Variants in CEP192 observed in about 807,000 individuals in gnomAD.
CEP192 encodes centrosomal protein of 192 kDa.
In CEP192, 151 loss-of-function variants were observed where a neutral mutation model predicts 271.8. That is an observed-to-expected ratio of 0.56 (90% CI 0.49 to 0.64). The LOEUF (loss-of-function observed/expected upper bound fraction) is 0.64, where lower values mean the gene tolerates loss of function less well. Among genes scored for constraint, CEP192 ranks in the 30% least tolerant of loss-of-function variants. CEP192 has a pLI of 0.00. For missense variants in CEP192, 2,910 were observed against 3,020.5 expected, an observed-to-expected ratio of 0.96 and a Z score of 0.86; for synonymous variants, 995 against 1,076.5, an observed-to-expected ratio of 0.92 and a Z score of 1.48.
intron 7 of CEP192, 39 bp from the exon 8 acceptor site, chr18:13,018,441 A>G: frequency 1.5e-6 from 2 of 1,314,470 alleles, no homozygotes; most frequent in East Asian, 2.7e-5. Flanking sequence ...TTTCATTTTA[A>G]TTTAAAAGAT....
chr18:13,031,820 G>A (rs568709746), intron 11 of CEP192, among the ~76,000 whole-genome samples: 196 of 152,252 alleles, frequency 1.3e-3, no homozygotes, highest in Admixed American at 3.0e-3. Flanking sequence ...TTTCACATAG[G>A]AAGCCACTTT....
intron 21 of CEP192, among the ~76,000 whole-genome samples, chr18:13,066,805 T>G (rs894120283): frequency 2.0e-5 from 3 of 152,204 alleles, no homozygotes; most frequent in Non-Finnish European, 2.9e-5. Flanking sequence ...AGTCACATCT[T>G]CTGTTCTCTG....
intron 40 of CEP192, among the ~76,000 whole-genome samples, chr18:13,111,074 C>T (rs751041743): frequency 6.6e-6 from 1 of 152,202 alleles, no homozygotes; most frequent in Admixed American, 6.5e-5. Context: ...CAATACTGAG[C>T]AGCCATCTAG....
chr18:13,032,051 C>A (rs752557843), intron 11 of CEP192, among the ~76,000 whole-genome samples: 1 of 152,116 alleles, frequency 6.6e-6, no homozygotes, highest in African/African-American at 2.4e-5. Flanking sequence ...TGAGTTTTGA[C>A]CACCATGCCC....
At chr18:13,019,957 C>T (rs759797207) in intron 9 of CEP192, among the ~76,000 whole-genome samples, 12 of 151,882 alleles carry the variant, frequency 7.9e-5, no homozygotes, top group African/African-American at 1.9e-4. Flanking sequence ...GGATTACAGG[C>T]GCACATCACC....
At chr18:13,103,248 C>T (rs548587897) in intron 38 of CEP192, among the ~76,000 whole-genome samples, 10 of 152,308 alleles carry the variant, frequency 6.6e-5, no homozygotes, top group South Asian at 2.1e-4. Flanking sequence ...CAGTCTGTAA[C>T]GCTTTAAAAA....
At chr18:13,008,899 G>C (rs1039346991) in intron 4 of CEP192, among the ~76,000 whole-genome samples, 43 of 151,940 alleles carry the variant, frequency 2.8e-4, no homozygotes, top group African/African-American at 9.6e-4. Flanking sequence ...ATAGAGACAG[G>C]GTTTCGCCAT....
chr18:13,042,086 T>A, intron 14 of CEP192, 118 bp from the exon 15 acceptor site: 1 of 727,886 alleles, frequency 1.4e-6, no homozygotes, highest in Non-Finnish European at 2.2e-6. Context: ...GCAACTGACA[T>A]TTGGGGTACA....
At chr18:13,102,321 C>T (rs747301340) in intron 38 of CEP192, among the ~76,000 whole-genome samples, 1 of 152,102 alleles carries the variant, frequency 6.6e-6, no homozygotes, top group Non-Finnish European at 1.5e-5. Context: ...TGTCCATTCT[C>T]GCCTCTCGGG....
At chr18:13,076,977 T>A (rs1455319225) in intron 30 of CEP192, among the ~76,000 whole-genome samples, 1 of 151,970 alleles carries the variant, frequency 6.6e-6, no homozygotes, top group Non-Finnish European at 1.5e-5. Flanking sequence ...AGAGATGGGG[T>A]TGTGCCAGTT....
intron 13 of CEP192, among the ~76,000 whole-genome samples, chr18:13,039,842 C>T (rs551208892): frequency 3.0e-4 from 46 of 152,232 alleles, no homozygotes; most frequent in Admixed American, 1.4e-3. Context: ...AAGAAGCAGG[C>T]AAACACTTAG....
At chr18:13,053,157 A>G in intron 18 of CEP192, 67 bp downstream of exon 18, 1 of 1,313,532 alleles carries the variant, frequency 7.6e-7, no homozygotes, top group Non-Finnish European at 1.0e-6. Flanking sequence ...CAGATGTTTG[A>G]TTCAGACTAC....
chr18:13,029,839 T>C lies in CEP192; in HGVS notation c.1227T>C (p.Cys409=). ...AGACAGTTTTGCACATGGATGGATG[T>C]TTAGACACTGAGACTCCTACGGTGT... is the stretch of plus-strand genomic sequence containing the variant. ...QNKTVLHMDG[C]LDTETPTVSI... The change falls in exon 10 of 45, where the codon TGT becomes TGC. Residue 409 remains cysteine (C), a synonymous_variant. Coordinates refer to ENST00000506447, the MANE Select transcript of CEP192 (RefSeq NM_032142.4). The C allele has an allele frequency of 6.4e-7, 1 of 1,551,700 alleles. No individual in the cohort carries two copies. Among genetic ancestry groups the C allele is most frequent in the Non-Finnish European group, 8.7e-7 (1 of 1,146,990 alleles).
In CEP192 at chr18:13,037,229, T is replaced by C; in HGVS notation, c.1535-8T>C. ...TGTAATGTATTTATATAAACATTCT[T>C]TTTTAAGCTGAAGCATTTGATTTGA... is the stretch of plus-strand genomic sequence containing the variant. On this transcript the variant is annotated splice_region_variant and splice_polypyrimidine_tract_variant and intron_variant, in intron 11 of 44. Coordinates refer to ENST00000506447, the MANE Select transcript of CEP192 (RefSeq NM_032142.4). 1 of 1,209,050 alleles carries C rather than the reference T, an allele frequency of 8.3e-7. No individual in the cohort carries two copies. Among genetic ancestry groups the C allele is most frequent in the Non-Finnish European group, 1.2e-6 (1 of 838,810 alleles). 74.9% of individuals were successfully genotyped at this position (1,209,050 alleles called of 1,614,324 possible). A position where few individuals can be genotyped will look rare whatever the true frequency, so the allele number is the denominator to read the frequency against.
intron 9 of CEP192, among the ~76,000 whole-genome samples, chr18:13,027,844 T>G (rs2035391824): frequency 2.0e-5 from 3 of 152,194 alleles, no homozygotes; most frequent in African/African-American, 7.2e-5. Context: ...TTGACTTTTT[T>G]TTTTCTATTG....
intron 11 of CEP192, among the ~76,000 whole-genome samples, chr18:13,033,722 A>G (rs1475779804): frequency 6.6e-6 from 1 of 152,234 alleles, no homozygotes; most frequent in Non-Finnish European, 1.5e-5. Flanking sequence ...CTGTGGCTAT[A>G]CAGAATGGTA....
chr18:13,068,174 G>T lies in CEP192; in HGVS notation c.4695G>T (p.Val1565=), dbSNP rs1166892576. 10 of 1,614,120 alleles carry T rather than the reference G, an allele frequency of 6.2e-6. No homozygotes were observed. The highest frequency in any genetic ancestry group is 1.7e-5 in the Admixed American group (1 of 60,014). ...TGGAAGTTGCTCCTTGCGCTGATGT[G>T]GTCACTCGGCTAGCAGGCCCTTCTG... The part of the protein sequence containing the change: ...APVEVAPCAD[V]VTRLAGPSVV... Residue 1565 remains valine (V), a synonymous_variant, in exon 23 of 45, where the codon GTG becomes GTT. Coordinates refer to ENST00000506447, the MANE Select transcript of CEP192 (RefSeq NM_032142.4).
chr18:13,021,630 C>T (rs1448775967), intron 9 of CEP192, among the ~76,000 whole-genome samples: 1 of 152,148 alleles, frequency 6.6e-6, no homozygotes, highest in Admixed American at 6.5e-5. Flanking sequence ...TCAGCTTTTC[C>T]GTTTCTTTAG....
At chr18:13,054,102 A>T (rs982035150) in intron 18 of CEP192, among the ~76,000 whole-genome samples, 6 of 152,200 alleles carry the variant, frequency 3.9e-5, no homozygotes, top group Non-Finnish European at 7.3e-5. Context: ...TGGTGGGATT[A>T]CAGGCATGAG....
Sources: gnomAD v4.1 joint callset for allele counts (sites outside exome capture counted in the v4.1 genomes callset) on GRCh38, gnomAD v4.1.1 for gene constraint, MANE v1.5 for transcripts, NCBI Gene and HGNC (gene_info 2026-07-23, HGNC 2026-07-21) for gene names.